The following SCHIP1 variants were observed in gnomAD, a reference collection of about 807,000 sequenced individuals.
SCHIP1 encodes schwannomin interacting protein 1.
Under a neutral mutation model 29.7 loss-of-function variants are expected in SCHIP1, and 8 were observed. The ratio of observed to expected loss-of-function variants is 0.27; its 90% CI spans 0.16 to 0.49. The LOEUF is 0.49. SCHIP1 is among the 20% of genes least tolerant of loss of function. The pLI, the probability that SCHIP1 is intolerant of heterozygous loss-of-function variation, is 0.99. For missense variants in SCHIP1, 193 were observed against 294.6 expected, an observed-to-expected ratio of 0.66 and a Z score of 2.52; for synonymous variants, 76 against 94.9, an observed-to-expected ratio of 0.80 and a Z score of 1.16.
intron 5 of SCHIP1, among the ~76,000 whole-genome samples, chr3:159,890,366 A>G (rs368523105): frequency 1.3e-5 from 2 of 152,196 alleles, no homozygotes; most frequent in Non-Finnish European, 2.9e-5. Context: ...TGGAAAAACA[A>G]TTCTATGCAT....
the SCHIP1 span, among the ~76,000 whole-genome samples, chr3:159,615,060 C>T: frequency 5.3e-5 from 8 of 152,168 alleles, no homozygotes; most frequent in South Asian, 2.1e-4. Flanking sequence ...AAAGTTTCCT[C>T]AAAGGTACAA....
At chr3:159,807,402 G>A in the SCHIP1 span, among the ~76,000 whole-genome samples, 2 of 152,188 alleles carry the variant, frequency 1.3e-5, no homozygotes, top group Non-Finnish European at 2.9e-5. Flanking sequence ...GCTTTCACAA[G>A]CACTTGACAA....
the SCHIP1 span, among the ~76,000 whole-genome samples, chr3:159,715,053 G>T: frequency 6.6e-6 from 1 of 152,220 alleles, no homozygotes; most frequent in Non-Finnish European, 1.5e-5. Context: ...AGCTTCCAAA[G>T]GAATGATCAG....
At chr3:159,555,010 A>C in the SCHIP1 span, among the ~76,000 whole-genome samples, 1 of 152,184 alleles carries the variant, frequency 6.6e-6, no homozygotes, top group Non-Finnish European at 1.5e-5. Context: ...GAATAAAAGT[A>C]AAACTGATAC....
At chr3:159,276,599 A>G in the SCHIP1 span, among the ~76,000 whole-genome samples, 1 of 152,166 alleles carries the variant, frequency 6.6e-6, no homozygotes, top group African/African-American at 2.4e-5. Flanking sequence ...TACATGATGG[A>G]CCTAACTAGG....
At chr3:159,388,188 T>C in the SCHIP1 span, among the ~76,000 whole-genome samples, 1 of 152,114 alleles carries the variant, frequency 6.6e-6, no homozygotes, top group African/African-American at 2.4e-5. Context: ...AGTATGAAAC[T>C]CTACCTGGAA....
the SCHIP1 span, among the ~76,000 whole-genome samples, chr3:159,494,806 AAG>A: frequency 2.6e-5 from 4 of 152,194 alleles, no homozygotes; most frequent in African/African-American, 9.6e-5. Context: ...AACAAAAAAA[AAG>A]AGAATTTTAT....
At chr3:159,402,761 T>G in the SCHIP1 span, among the ~76,000 whole-genome samples, 2 of 151,964 alleles carry the variant, frequency 1.3e-5, no homozygotes, top group African/African-American at 4.8e-5. Context: ...AAGGCGAACA[T>G]CACACACTGG....
At chr3:159,530,785 AT>A in the SCHIP1 span, among the ~76,000 whole-genome samples, 3 of 152,150 alleles carry the variant, frequency 2.0e-5, no homozygotes. Flanking sequence ...AGGAGGCCTT[AT>A]TGTCTCTGTC....
chr3:159,750,631 C>A, the SCHIP1 span, among the ~76,000 whole-genome samples: 1 of 152,048 alleles, frequency 6.6e-6, no homozygotes, highest in African/African-American at 2.4e-5. Flanking sequence ...ATAAAGGACA[C>A]CTGTGTGTCC....
At chr3:159,886,360 G>T in intron 3 of SCHIP1, 36 bp downstream of exon 4, 1 of 1,586,808 alleles carries the variant, frequency 6.3e-7, no homozygotes, top group Non-Finnish European at 8.6e-7. Flanking sequence ...GCTCGGTGTT[G>T]TGATTTCCGG....
the SCHIP1 span, among the ~76,000 whole-genome samples, chr3:159,426,026 G>C: frequency 1.3e-5 from 2 of 152,010 alleles, no homozygotes; most frequent in Non-Finnish European, 2.9e-5. Flanking sequence ...CAGAATCTCT[G>C]GGACACATTC....
At chr3:159,705,531 G>A in the SCHIP1 span, among the ~76,000 whole-genome samples, 8 of 152,114 alleles carry the variant, frequency 5.3e-5, no homozygotes, top group Non-Finnish European at 8.8e-5. Context: ...GACAGATATA[G>A]AGAGAGAACA....
At chr3:159,327,456 T>C in the SCHIP1 span, among the ~76,000 whole-genome samples, 8 of 152,158 alleles carry the variant, frequency 5.3e-5, no homozygotes, top group Admixed American at 5.2e-4. Flanking sequence ...AGATTTCAAG[T>C]CAAGCCCTCA....
At chr3:159,375,112 A>G in the SCHIP1 span, among the ~76,000 whole-genome samples, 2 of 152,208 alleles carry the variant, frequency 1.3e-5, no homozygotes, top group Admixed American at 1.3e-4. Context: ...AATTACACCC[A>G]TGGCTACCAT....
the SCHIP1 span, chr3:159,274,149 A>G: frequency 1.0e-6 from 1 of 985,362 alleles, no homozygotes. Flanking sequence ...GTGCACCAAA[A>G]CTAATTGCAT....
the SCHIP1 span, among the ~76,000 whole-genome samples, chr3:159,535,752 C>A: frequency 6.0e-4 from 92 of 152,284 alleles, no homozygotes; most frequent in East Asian, 0.015. Flanking sequence ...CATTGTCTAC[C>A]AAAGGCCACA....
At chr3:159,411,085 A>T in the SCHIP1 span, among the ~76,000 whole-genome samples, 1 of 151,856 alleles carries the variant, frequency 6.6e-6, no homozygotes, top group South Asian at 2.1e-4. Flanking sequence ...AAACAATTGA[A>T]CTCATGGAGA....
At chr3:159,692,533 T>C in the SCHIP1 span, among the ~76,000 whole-genome samples, 1 of 152,266 alleles carries the variant, frequency 6.6e-6, no homozygotes, top group Non-Finnish European at 1.5e-5. Flanking sequence ...GATATTTGTT[T>C]ATGCTTCATG....
Sources: allele counts gnomAD v4.1 joint callset (sites outside exome capture counted in the v4.1 genomes callset), GRCh38; gene constraint gnomAD v4.1.1; transcripts MANE v1.5; gene names NCBI Gene and HGNC (gene_info 2026-07-23, HGNC 2026-07-21).